UBAP2: variants seen among roughly 807,000 people sequenced by gnomAD.
UBAP2 encodes ubiquitin-associated protein 2.
Under a neutral mutation model 139.6 loss-of-function variants are expected in UBAP2, and 75 were observed. That is an observed-to-expected ratio of 0.54 (90% CI 0.45 to 0.65). UBAP2 has a LOEUF of 0.65. UBAP2 is among the 30% of genes least tolerant of loss of function. The pLI is 0.00. For missense variants in UBAP2, 1,368 were observed against 1,369.6 expected (o/e 1.00, Z 0.02); for synonymous variants, 526 against 526.2 (o/e 1.00, Z 0.01).
At position 33,924,238 on chromosome 9, in the gene UBAP2, C is replaced by T. The variant is rs768127613; in HGVS notation, c.2558G>A (p.Arg853Gln). The T allele has an allele frequency of 2.5e-5, 41 of 1,614,066 alleles. No homozygotes were observed. Among genetic ancestry groups the T allele is most frequent in the Non-Finnish European group, 3.2e-5 (38 of 1,180,034 alleles). ...TGGATTATTAGCTAGGCTCCCATCT[C>T]GGCTGGCAAGCGCTGTGGGTGCAGC... ...PFAAPTALAS[R>Q]DGSLANNPYP... The change falls in exon 23 of 29, where the codon CGA (arginine) becomes CAA (glutamine). Residue 853 changes from arginine to glutamine, a missense_variant. Physicochemically the swap from Arg to Gln is conservative, Grantham distance 43. Coordinates refer to ENST00000379238, the MANE Select transcript of UBAP2 (RefSeq NM_001370062.2).
chr9:33,942,269 G>A (rs377497936), intron 15 of UBAP2, among the ~76,000 whole-genome samples: 2 of 151,776 alleles, frequency 1.3e-5, no homozygotes, highest in Admixed American at 6.6e-5. Context: ...CCAAGATCGC[G>A]CCACTGCACT....
intron 9 of UBAP2, 58 bp from the exon 10 acceptor site, chr9:33,960,936 C>A: frequency 1.3e-6 from 2 of 1,531,518 alleles, no homozygotes. Context: ...CAGTCTCAGT[C>A]CAAATGATTC....
intron 9 of UBAP2, among the ~76,000 whole-genome samples, chr9:33,962,091 A>G (rs1827090521): frequency 6.6e-6 from 1 of 152,222 alleles, no homozygotes. Flanking sequence ...ATTGTAAGAG[A>G]AAGCTTGATG....
Position 34,035,514 on chromosome 9 carries a change from A to AAAAAAAAAAAAAAATATAT in UBAP2, c.-42+13310_-42+13311insATATATTTTTTTTTTTTTT. Among the ~76,000 whole-genome samples, 2 of 22,472 alleles carry AAAAAAAAAAAAAAATATAT rather than the reference A, an allele frequency of 8.9e-5. 1 individual carries two copies. Among genetic ancestry groups the AAAAAAAAAAAAAAATATAT allele is most frequent in the South Asian group, 1.9e-3 (2 of 1,044 alleles). The allele number at this position is 22,472 out of a possible 152,430, so 14.7% of individuals were successfully genotyped here. A position where few individuals can be genotyped will look rare whatever the true frequency, so the allele number is the denominator to read the frequency against. ...GAGACTCCATCTAAAAAAAAAAAAA[A>AAAAAAAAAAAAAAATATAT]ATATATATATATAAAGATTAGCCAG... On this transcript the variant is annotated intron_variant, in intron 1 of 28. Coordinates refer to ENST00000379238, the MANE Select transcript of UBAP2 (RefSeq NM_001370062.2).
rs770326984 is a variant in UBAP2 at position 33,923,391 on chromosome 9, C to T, written c.2884G>A (p.Gly962Ser). Residue 962 changes from glycine (G) to serine (S), a missense_variant, in exon 25 of 29, where the codon GGC becomes AGC. Gly to Ser is a moderately conservative substitution (Grantham distance 56). Coordinates refer to ENST00000379238, the MANE Select transcript of UBAP2 (RefSeq NM_001370062.2). ...FQQASGYGQH[G>S]YSTGYDDLTQ... The stretch of plus-strand genomic sequence containing the variant: ...AAGTACCCCTCACCTGTACTGTAGC[C>T]GTGCTGGCCATAACCACTGGCCTGC... The T allele has an allele frequency of 2.8e-5, 46 of 1,614,068 alleles. No homozygotes were observed. Among genetic ancestry groups the T allele is most frequent in the Non-Finnish European group, 3.5e-5 (41 of 1,180,032 alleles).
At chr9:34,009,006 G>A (rs904973081) in intron 2 of UBAP2, among the ~76,000 whole-genome samples, 42 of 150,136 alleles carry the variant, frequency 2.8e-4, no homozygotes, top group Admixed American at 2.7e-4. Flanking sequence ...TTAGGATAGC[G>A]GGGTGAATAT....
intron 2 of UBAP2, among the ~76,000 whole-genome samples, chr9:34,016,210 T>G (rs62558770): frequency 0.041 from 2,275 of 55,648 alleles, 47 homozygotes; most frequent in African/African-American, 0.096. Flanking sequence ...AGAGGAGGAA[T>G]AGGAGGAAGA....
At chr9:33,948,859 C>T in intron 12 of UBAP2, 1 of 362,978 alleles carries the variant, frequency 2.8e-6, no homozygotes, top group Non-Finnish European at 5.1e-6. Context: ...TTTTTAAAAA[C>T]GTGATGTTGG....
chr9:33,926,749 T>TG lies in UBAP2; in HGVS notation c.2464-86dup, dbSNP rs981442633. 9.8e-6 allele frequency: 14 copies of TG among 1,434,986 alleles called. No homozygotes were observed. The African/African-American group carries it at 1.4e-4, about 14-fold the overall frequency. 88.9% of individuals were successfully genotyped at this position (1,434,986 alleles called of 1,614,324 possible). On this transcript the variant is annotated intron_variant, in intron 21 of 28. Coordinates refer to ENST00000379238, the MANE Select transcript of UBAP2 (RefSeq NM_001370062.2). Reference sequence around the variant, plus strand: ...GTCCATCTAGGAGTCAAAACAAGGTTGGGGGGCTCTAACACACCCGGGAAT... The same window carrying TG: ...GTCCATCTAGGAGTCAAAACAAGGTTGGGGGGGCTCTAACACACCCGGGAAT...
chr9:34,033,202 T>C (rs1826038189), intron 1 of UBAP2, among the ~76,000 whole-genome samples: 1 of 152,154 alleles, frequency 6.6e-6, no homozygotes, highest in Non-Finnish European at 1.5e-5. Flanking sequence ...TAGCTAAGAT[T>C]TGGAAGTAAC....
chr9:34,003,066 T>TC, intron 2 of UBAP2, among the ~76,000 whole-genome samples: 1 of 151,756 alleles, frequency 6.6e-6, no homozygotes, highest in East Asian at 1.9e-4. Flanking sequence ...GTTGTTTTTT[T>TC]TTTTCTTTTT....
intron 8 of UBAP2, among the ~76,000 whole-genome samples, chr9:33,965,109 TAG>T (rs1403932502): frequency 2.6e-5 from 4 of 152,228 alleles, no homozygotes; most frequent in Admixed American, 6.5e-5. Flanking sequence ...AAAATAATTA[TAG>T]AGTCACAGGA....
intron 11 of UBAP2, among the ~76,000 whole-genome samples, chr9:33,955,455 G>C (rs1231374335): frequency 1.3e-5 from 2 of 152,062 alleles, no homozygotes; most frequent in South Asian, 2.1e-4. Flanking sequence ...GGACGGCGGG[G>C]GTTGCAGTGA....
At position 33,944,079 on chromosome 9, in the gene UBAP2, A is replaced by G. The variant is rs148593465; in HGVS notation, c.1545+286T>C. 1.3e-3 allele frequency among the ~76,000 whole-genome samples: 201 copies of G among 152,316 alleles called. 1 individual carries two copies. The highest frequency in any genetic ancestry group is 4.6e-3 in the African/African-American group (193 of 41,572). On this transcript the variant is annotated intron_variant, in intron 14 of 28. Transcript: ENST00000379238. Reference sequence around the variant, plus strand: ...GAAAGTATCACCTGGTCAAGGAACCATGCATCCTCCAACTATGGGATACAG... The same window carrying G: ...GAAAGTATCACCTGGTCAAGGAACCGTGCATCCTCCAACTATGGGATACAG...
chr9:33,969,751 A>G (rs1827764622), intron 8 of UBAP2, among the ~76,000 whole-genome samples: 1 of 151,132 alleles, frequency 6.6e-6, no homozygotes, highest in Non-Finnish European at 1.5e-5. Context: ...CTGTAATTCC[A>G]GCTACTCAGG....
intron 13 of UBAP2, among the ~76,000 whole-genome samples, chr9:33,947,462 G>C (rs1825734414): frequency 6.6e-6 from 1 of 152,184 alleles, no homozygotes; most frequent in Non-Finnish European, 1.5e-5. Flanking sequence ...GGAATGTAAA[G>C]GTTGATGAAA....
In UBAP2 at chr9:33,943,337, A is replaced by G. The variant is rs1825392133; in HGVS notation, c.1715+83T>C. On this transcript the variant is annotated intron_variant, in intron 15 of 28. Coordinates refer to ENST00000379238, the MANE Select transcript of UBAP2 (RefSeq NM_001370062.2). ...GTCTGGATAAACACTGAGGATAGCT[A>G]TTACCACAGGATGTATTCTTTTCCA... 4 of 1,396,068 alleles carry G rather than the reference A, an allele frequency of 2.9e-6. No homozygotes were observed. The East Asian group carries it at 6.9e-5, about 24-fold the overall frequency. 86.5% of individuals were successfully genotyped at this position (1,396,068 alleles called of 1,614,324 possible).
chr9:34,026,427 G>A (rs537971129), intron 1 of UBAP2, among the ~76,000 whole-genome samples: 95 of 152,154 alleles, frequency 6.2e-4, no homozygotes, highest in African/African-American at 2.2e-3. Context: ...TGGGCTAAGG[G>A]TTCAACTACT....
intron 1 of UBAP2, among the ~76,000 whole-genome samples, chr9:34,037,692 T>C (rs1363260154): frequency 6.6e-6 from 1 of 152,196 alleles, no homozygotes; most frequent in Non-Finnish European, 1.5e-5. Context: ...CTGGCAATTA[T>C]ATCTGATAAA....
Sources: gnomAD v4.1 joint callset for allele counts (sites outside exome capture counted in the v4.1 genomes callset) on GRCh38, gnomAD v4.1.1 for gene constraint, MANE v1.5 for transcripts, NCBI Gene and HGNC (gene_info 2026-07-23, HGNC 2026-07-21) for gene names.